Variants in COL22A1 observed in about 807,000 individuals in gnomAD.
COL22A1 encodes the protein collagen alpha-1(XXII) chain.
A neutral mutation model predicts 248.9 loss-of-function variants in COL22A1; 221 were observed. That is an observed-to-expected ratio of 0.89 (90% CI 0.80 to 0.99). COL22A1 has a LOEUF of 0.99. COL22A1 is among the 50% of genes least tolerant of loss of function. The pLI is 0.00. For missense variants in COL22A1, 2,240 were observed against 2,179.0 expected, an observed-to-expected ratio of 1.03 and a Z score of -0.56; for synonymous variants, 891 against 793.4, an observed-to-expected ratio of 1.12 and a Z score of -2.07.
intron 40 of COL22A1, among the ~76,000 whole-genome samples, chr8:138,678,690 A>C (rs1489141185): frequency 6.6e-6 from 1 of 152,134 alleles, no homozygotes; most frequent in Non-Finnish European, 1.5e-5. Flanking sequence ...GGCATGTAGG[A>C]AGATTTCAAG....
intron 50 of COL22A1, among the ~76,000 whole-genome samples, chr8:138,626,664 A>G (rs545331881): frequency 1.3e-5 from 2 of 152,184 alleles, no homozygotes; most frequent in African/African-American, 4.8e-5. Context: ...TTGTGCATAC[A>G]GGACTGTACA....
chr8:138,774,415 C>CTT lies in COL22A1; in HGVS notation c.1803+1549_1803+1550dup, dbSNP rs142280789. On this transcript the variant is annotated intron_variant, in intron 16 of 64. Coordinates refer to ENST00000303045, the MANE Select transcript of COL22A1 (RefSeq NM_152888.3). Reference sequence around the variant, plus strand: ...TTTTAAAATGCTCACCAAAAGCATTCTTTTTTTTTTTTTTTTTTTCTGAGA... The same window carrying CTT: ...TTTTAAAATGCTCACCAAAAGCATTCTTTTTTTTTTTTTTTTTTTTTCTGAGA... Among the ~76,000 whole-genome samples, 199 of 128,070 alleles carry CTT rather than the reference C, an allele frequency of 1.6e-3. 1 individual carries two copies. The highest frequency in any genetic ancestry group is 4.7e-3 in the African/African-American group (161 of 34,584). The allele number at this position is 128,070 out of a possible 152,430, so 84.0% of individuals were successfully genotyped here. A position where few individuals can be genotyped will look rare whatever the true frequency, so the allele number is the denominator to read the frequency against.
chr8:138,864,814 C>A (rs1355397192), intron 3 of COL22A1, among the ~76,000 whole-genome samples: 2 of 152,150 alleles, frequency 1.3e-5, no homozygotes, highest in Non-Finnish European at 2.9e-5. Flanking sequence ...TCACTCTCAG[C>A]CCAACCTGAG....
intron 52 of COL22A1, among the ~76,000 whole-genome samples, chr8:138,623,485 G>A (rs1251132317): frequency 6.6e-6 from 1 of 152,070 alleles, no homozygotes; most frequent in Non-Finnish European, 1.5e-5. Flanking sequence ...CCTGGGCTCA[G>A]GTTCAGATTC....
chr8:138,664,894 C>T (rs545720884), intron 41 of COL22A1, among the ~76,000 whole-genome samples: 120 of 152,164 alleles, frequency 7.9e-4, no homozygotes, highest in African/African-American at 2.8e-3. Context: ...GCCCTAGCAA[C>T]GCCAGGAGTC....
intron 21 of COL22A1, among the ~76,000 whole-genome samples, chr8:138,754,414 A>C (rs1249423744): frequency 6.6e-6 from 1 of 152,234 alleles, no homozygotes; most frequent in East Asian, 1.9e-4. Context: ...CCCCAGCAAA[A>C]ACATATAAAT....
intron 3 of COL22A1, among the ~76,000 whole-genome samples, chr8:138,856,660 G>T (rs1345618156): frequency 1.3e-5 from 2 of 150,912 alleles, no homozygotes; most frequent in African/African-American, 2.4e-5. Flanking sequence ...CAGAGACACA[G>T]CAAGAGAGAG....
chr8:138,693,594 G>C, intron 35 of COL22A1, 52 bp downstream of exon 35: 1 of 1,533,512 alleles, frequency 6.5e-7, no homozygotes. Context: ...GACACTGGGC[G>C]GGGCCTCCCT....
rs1466513018 is a variant in COL22A1, at chr8:138,691,954, TTG to T, written c.2755-1082_2755-1081del. Among the ~76,000 whole-genome samples the T allele has an allele frequency of 4.0e-5, 3 of 74,266 alleles. No homozygotes were observed. The East Asian group carries it at 1.5e-3, about 36-fold the overall frequency. The allele number at this position is 74,266 out of a possible 152,430, so 48.7% of individuals were successfully genotyped here. ...GAGGTGTGTGTACGTGTGTGCATGT[TTG>T]TGGAGGTGCATGTGTGGAGGTGTGT... On this transcript the variant is annotated intron_variant, in intron 35 of 64. Coordinates refer to ENST00000303045, the MANE Select transcript of COL22A1 (RefSeq NM_152888.3).
At chr8:138,750,587 G>A (rs1009631227) in intron 22 of COL22A1, among the ~76,000 whole-genome samples, 2 of 152,176 alleles carry the variant, frequency 1.3e-5, no homozygotes, top group Non-Finnish European at 2.9e-5. Flanking sequence ...TACGTGGAAT[G>A]AGGGCTGCCT....
chr8:138,817,011 C>G (rs1050224476), intron 7 of COL22A1, among the ~76,000 whole-genome samples: 3 of 152,208 alleles, frequency 2.0e-5, no homozygotes, highest in African/African-American at 7.2e-5. Context: ...CTGGTGATCT[C>G]ACTTAATCCT....
chr8:138,602,131 C>T lies in COL22A1; in HGVS notation c.4169G>A (p.Gly1390Glu). ...EGVPGKPGEP[G>E]FKGERGDPGI... ...TCCACTCACCCTTTCTCCTTTGAAT[C>T]CAGGCTCTCCAGGCTTCCCAGGGAC... The change falls in exon 60 of 65, where the codon GGA becomes GAA. Residue 1390 changes from glycine to glutamate, a missense_variant. By Grantham distance (98) the Gly-to-Glu change is moderately conservative (BLOSUM62 -2). Coordinates refer to ENST00000303045, the MANE Select transcript of COL22A1 (RefSeq NM_152888.3). The T allele has an allele frequency of 6.2e-7, 1 of 1,614,158 alleles. No individual in the cohort carries two copies. Among genetic ancestry groups the T allele is most frequent in the Non-Finnish European group, 8.5e-7 (1 of 1,180,032 alleles).
intron 16 of COL22A1, among the ~76,000 whole-genome samples, chr8:138,772,670 T>C (rs1406730040): frequency 6.6e-6 from 1 of 152,170 alleles, no homozygotes; most frequent in African/African-American, 2.4e-5. Flanking sequence ...TTGGATTCTT[T>C]CTGGCACATT....
At chr8:138,850,580 G>A (rs1165215766) in intron 3 of COL22A1, among the ~76,000 whole-genome samples, 1 of 152,188 alleles carries the variant, frequency 6.6e-6, no homozygotes, top group African/African-American at 2.4e-5. Flanking sequence ...AGACTGATGA[G>A]GCACAAGAAA....
chr8:138,666,930 C>T (rs1196665301), intron 41 of COL22A1, among the ~76,000 whole-genome samples: 1 of 152,208 alleles, frequency 6.6e-6, no homozygotes, highest in Non-Finnish European at 1.5e-5. Context: ...ACTTAGACAG[C>T]TTCTCTGACC....
rs533764432 is a variant in COL22A1, at chr8:138,692,544, T to C, written c.2754+1102A>G. Among the ~76,000 whole-genome samples, 6 of 151,028 alleles carry C rather than the reference T, an allele frequency of 4.0e-5. No individual in the cohort carries two copies. In the South Asian group the frequency reaches 1.0e-3, roughly 26 times the overall value. On this transcript the variant is annotated intron_variant, in intron 35 of 64. Coordinates refer to ENST00000303045, the MANE Select transcript of COL22A1 (RefSeq NM_152888.3). ...ACTGGAAAATCAGGTAAGAAGTGGA[T>C]TTGAACTAGAACTTGATGGCCGGGC... is the stretch of plus-strand genomic sequence containing the variant.
chr8:138,626,131 G>C, intron 51 of COL22A1, 59 bp downstream of exon 51: 2 of 1,383,134 alleles, frequency 1.4e-6, no homozygotes, highest in Non-Finnish European at 2.0e-6. Flanking sequence ...TTGTTTCTTT[G>C]TTTTTATAAA....
chr8:138,893,694 G>A (rs1359891416), intron 1 of COL22A1, among the ~76,000 whole-genome samples: 1 of 152,222 alleles, frequency 6.6e-6, no homozygotes, highest in Non-Finnish European at 1.5e-5. Context: ...GAACTGGGTT[G>A]ATGTTGACTG....
At chr8:138,720,021 C>T (rs1409210666) in intron 27 of COL22A1, among the ~76,000 whole-genome samples, 1 of 152,200 alleles carries the variant, frequency 6.6e-6, no homozygotes, top group Admixed American at 6.5e-5. Context: ...ACACCACACA[C>T]ACATGGCCCA....
Sources: allele counts gnomAD v4.1 joint callset (sites outside exome capture counted in the v4.1 genomes callset), GRCh38; gene constraint gnomAD v4.1.1; transcripts MANE v1.5; gene names NCBI Gene and HGNC (gene_info 2026-07-23, HGNC 2026-07-21).